The following LEPR variants were observed in gnomAD, a reference collection of about 807,000 sequenced individuals.
LEPR encodes the protein OB receptor.
Under a neutral mutation model 114.7 loss-of-function variants are expected in LEPR, and 56 were observed. The ratio of observed to expected loss-of-function variants is 0.49; its 90% CI spans 0.39 to 0.61. LEPR has a LOEUF of 0.61. Among genes scored for constraint, LEPR ranks in the 20% least tolerant of loss-of-function variants. LEPR has a pLI of 0.00. For synonymous variants in LEPR, 443 were observed against 461.4 expected, an observed-to-expected ratio of 0.96 and a Z score of 0.51; for missense variants, 1,202 against 1,352.9, an observed-to-expected ratio of 0.89 and a Z score of 1.75.
At chr1:65,488,236 C>CTTTTCTTTCTT (rs1311481186) in intron 2 of LEPR, among the ~76,000 whole-genome samples, 17 of 108,546 alleles carry the variant, frequency 1.6e-4, no homozygotes, top group African/African-American at 5.7e-4. Flanking sequence ...CTCTTTCTTT[C>CTTTTCTTTCTT]TTTCTTTCTT....
At chr1:65,626,676 T>C (rs1658235205) in intron 19 of LEPR, among the ~76,000 whole-genome samples, 1 of 152,186 alleles carries the variant, frequency 6.6e-6, no homozygotes, top group African/African-American at 2.4e-5. Context: ...AGGGTCTCGC[T>C]CTGTCACCCA....
At chr1:65,529,467 G>A (rs900951850) in intron 2 of LEPR, among the ~76,000 whole-genome samples, 1 of 143,802 alleles carries the variant, frequency 7.0e-6, no homozygotes, top group African/African-American at 2.6e-5. Flanking sequence ...GTTGCAGTGA[G>A]CCAAGATCGC....
chr1:65,541,784 G>T (rs1226034977), intron 2 of LEPR, among the ~76,000 whole-genome samples: 2 of 152,262 alleles, frequency 1.3e-5, no homozygotes, highest in South Asian at 2.1e-4. Context: ...GCAAAAATTA[G>T]TGGCATTTGG....
At chr1:65,610,487 T>C (rs908425048) in intron 14 of LEPR, among the ~76,000 whole-genome samples, 191 bp downstream of exon 14, 1 of 152,192 alleles carries the variant, frequency 6.6e-6, no homozygotes, top group East Asian at 1.9e-4. Flanking sequence ...TAGGAGACTT[T>C]CATTCTCTTC....
chr1:65,427,403 A>C (rs780713618), intron 2 of LEPR, among the ~76,000 whole-genome samples: 6 of 152,110 alleles, frequency 3.9e-5, no homozygotes, highest in Non-Finnish European at 7.4e-5. Context: ...GTGAGACCCC[A>C]TTCTACAAAA....
intron 19 of LEPR, among the ~76,000 whole-genome samples, chr1:65,625,124 G>A (rs988133428): frequency 6.6e-6 from 1 of 152,084 alleles, no homozygotes; most frequent in Non-Finnish European, 1.5e-5. Context: ...TTCAGAGAGA[G>A]ATATATATAT....
intron 2 of LEPR, among the ~76,000 whole-genome samples, chr1:65,465,837 A>G (rs987129924): frequency 3.3e-5 from 5 of 152,144 alleles, no homozygotes; most frequent in African/African-American, 9.7e-5. Context: ...ATCGGAGACT[A>G]GGATTGCAAT....
chr1:65,554,007 C>A (rs931957106), intron 2 of LEPR, among the ~76,000 whole-genome samples: 1 of 152,176 alleles, frequency 6.6e-6, no homozygotes, highest in African/African-American at 2.4e-5. Flanking sequence ...TCACTCCAGA[C>A]CCTGTTTGCC....
At chr1:65,596,416 G>T (rs1238748214) in intron 6 of LEPR, 32 bp from the exon 7 acceptor site, 2 of 1,610,376 alleles carry the variant, frequency 1.2e-6, no homozygotes, top group African/African-American at 1.3e-5. Flanking sequence ...AAAATTACTT[G>T]ACTTAAAAGT....
At chr1:65,489,866 A>C (rs909257631) in intron 2 of LEPR, among the ~76,000 whole-genome samples, 1 of 152,058 alleles carries the variant, frequency 6.6e-6, no homozygotes, top group Non-Finnish European at 1.5e-5. Flanking sequence ...GTTCAGTTTT[A>C]TGGGTGAGAG....
chr1:65,457,699 A>T (rs1356981828), intron 2 of LEPR, among the ~76,000 whole-genome samples: 1 of 152,100 alleles, frequency 6.6e-6, no homozygotes, highest in East Asian at 1.9e-4. Context: ...ATTGTCTATA[A>T]TTCCACTCTT....
chr1:65,436,919 T>C (rs1557589841), intron 2 of LEPR, among the ~76,000 whole-genome samples: 1 of 152,228 alleles, frequency 6.6e-6, no homozygotes, highest in Non-Finnish European at 1.5e-5. Flanking sequence ...CTCAACACTT[T>C]CATTTCCTCT....
chr1:65,488,979 C>A (rs941931874), intron 2 of LEPR, among the ~76,000 whole-genome samples: 1 of 152,100 alleles, frequency 6.6e-6, no homozygotes, highest in African/African-American at 2.4e-5. Flanking sequence ...AATAATACTT[C>A]ATTATGTATA....
At chr1:65,488,226 C>CTCTCTCTCTCTCTTTCTTTCTTTCTT (rs1553157734) in intron 2 of LEPR, among the ~76,000 whole-genome samples, 10 of 67,960 alleles carry the variant, frequency 1.5e-4, no homozygotes, top group African/African-American at 2.6e-4. Flanking sequence ...CTCTCTCTCT[C>CTCTCTCTCTCTCTTTCTTTCTTTCTT]TCTTTCTTTC....
intron 2 of LEPR, among the ~76,000 whole-genome samples, chr1:65,503,682 T>C (rs1648575757): frequency 6.6e-6 from 1 of 152,138 alleles, no homozygotes; most frequent in Non-Finnish European, 1.5e-5. Flanking sequence ...GAATGATTCA[T>C]ATGGTTATGG....
chr1:65,603,778 G>T (rs1656620821), intron 10 of LEPR, among the ~76,000 whole-genome samples: 1 of 151,502 alleles, frequency 6.6e-6, no homozygotes, highest in Admixed American at 6.6e-5. Flanking sequence ...TTCCAGTGTG[G>T]CCTAGGGAAG....
At chr1:65,570,052 T>C (rs1654048511) in intron 3 of LEPR, among the ~76,000 whole-genome samples, 1 of 152,220 alleles carries the variant, frequency 6.6e-6, no homozygotes, top group Admixed American at 6.5e-5. Context: ...AGCACTTTAA[T>C]GTTTGTTTAT....
chr1:65,451,097 G>T (rs1171489677), intron 2 of LEPR, among the ~76,000 whole-genome samples: 2 of 152,048 alleles, frequency 1.3e-5, no homozygotes, highest in South Asian at 4.2e-4. Flanking sequence ...GTCTGTTCAT[G>T]TCCTTTGCCC....
chr1:65,579,776 TGAG>T (rs1654854668), intron 5 of LEPR, among the ~76,000 whole-genome samples: 1 of 152,148 alleles, frequency 6.6e-6, no homozygotes, highest in Non-Finnish European at 1.5e-5. Context: ...ATAATTATGA[TGAG>T]GTATTTTTCT....
Sources: gnomAD v4.1 joint callset for allele counts (sites outside exome capture counted in the v4.1 genomes callset) on GRCh38, gnomAD v4.1.1 for gene constraint, MANE v1.5 for transcripts, NCBI Gene and HGNC (gene_info 2026-07-23, HGNC 2026-07-21) for gene names.